The following DSG1 variants were observed in gnomAD, a reference collection of about 807,000 sequenced individuals.
DSG1 encodes desmoglein-1.
Under a neutral mutation model 97.5 loss-of-function variants are expected in DSG1, and 39 were observed. The observed-to-expected ratio is 0.40, with a 90% confidence interval of 0.31 to 0.52. The LOEUF (loss-of-function observed/expected upper bound fraction) is 0.52, where lower values mean the gene tolerates loss of function less well. DSG1 is among the 20% of genes least tolerant of loss of function. DSG1 has a pLI of 0.53. For missense variants in DSG1, 1,311 were observed against 1,295.4 expected, an observed-to-expected ratio of 1.01 and a Z score of -0.18; for synonymous variants, 475 against 443.4, an observed-to-expected ratio of 1.07 and a Z score of -0.90.
chr18:31,336,843 AAT>A (rs997609763), intron 9 of DSG1, among the ~76,000 whole-genome samples: 11 of 152,228 alleles, frequency 7.2e-5, no homozygotes, highest in African/African-American at 2.7e-4. Flanking sequence ...ATGTGAAAAT[AAT>A]ATGTCTCAAA....
chr18:31,347,283 CAT>C (rs1386471818), intron 14 of DSG1, among the ~76,000 whole-genome samples: 9 of 152,170 alleles, frequency 5.9e-5, no homozygotes, highest in Admixed American at 5.2e-4. Flanking sequence ...ATTTTAATAA[CAT>C]AGAAATATCT....
In DSG1 at chr18:31,346,007, T is replaced by C; in HGVS notation, c.1909T>C (p.Tyr637His). The change falls in exon 14 of 15, where the codon TAT becomes CAT. Residue 637 changes from tyrosine to histidine, a missense_variant. Coordinates refer to ENST00000257192, the MANE Select transcript of DSG1 (RefSeq NM_001942.4). ...ACTTTTAGGAGTTTATACAAATGAG[T>C]ATGGTGGCAGAGAAATGCAAGATCT... The part of the protein sequence containing the change: ...IDNSGVYTNE[Y>H]GGREMQDLGG... 1 of 1,613,542 alleles carries C rather than the reference T, an allele frequency of 6.2e-7. No homozygotes were observed. The highest frequency in any genetic ancestry group is 8.5e-7 in the Non-Finnish European group (1 of 1,179,680).
rs370943767 is a variant in DSG1 at position 31,340,074 on chromosome 18, G to T, written c.1687+49G>T. ...TATATGTGTCCCCCAAAAAATGCTG[G>T]GGGAGGAGTTAAGTTTTCTGATTCT... On this transcript the variant is annotated intron_variant, in intron 11 of 14. Coordinates refer to ENST00000257192, the MANE Select transcript of DSG1 (RefSeq NM_001942.4). 1.1e-4 allele frequency: 172 copies of T among 1,566,608 alleles called. No individual in the cohort carries two copies. In the African/African-American group the frequency reaches 1.9e-3, roughly 17 times the overall value.
Position 31,329,886 on chromosome 18 carries a change from T to G in DSG1, c.373-6T>G, listed in dbSNP as rs779335162. 1.2e-6 allele frequency: 2 copies of G among 1,612,762 alleles called. No individual in the cohort carries two copies. The highest frequency in any genetic ancestry group is 3.3e-5 in the Admixed American group (2 of 59,964). On this transcript the variant is annotated splice_region_variant and splice_polypyrimidine_tract_variant and intron_variant, in intron 4 of 14. Transcript: ENST00000257192. ...ACTGTATAATTATTTATCTTTTCTC[T>G]CCCAGATCTACTGCCGAGCTCTGAA...
Position 31,331,218 on chromosome 18 carries a change from A to T in DSG1, c.518-483A>T, listed in dbSNP as rs142902369. Among the ~76,000 whole-genome samples, 993 of 152,240 alleles carry T rather than the reference A, an allele frequency of 6.5e-3. 6 individuals carry two copies. Among genetic ancestry groups the T allele is most frequent in the Non-Finnish European group, 9.4e-3 (642 of 67,968 alleles). On this transcript the variant is annotated intron_variant, in intron 5 of 14. Coordinates refer to ENST00000257192, the MANE Select transcript of DSG1 (RefSeq NM_001942.4). Reference sequence around the variant, plus strand: ...TATATTTATCAAACGTGCATTATTCATTAGGAACTTTATATAGTTTTCTCT... The same window carrying T: ...TATATTTATCAAACGTGCATTATTCTTTAGGAACTTTATATAGTTTTCTCT...
At position 31,355,373 on chromosome 18, in the gene DSG1, G is replaced by C; in HGVS notation, c.*27G>C. The C allele has an allele frequency of 6.2e-7, 1 of 1,608,204 alleles. No homozygotes were observed. The highest frequency in any genetic ancestry group is 8.5e-7 in the Non-Finnish European group (1 of 1,175,606). On this transcript the variant is annotated 3_prime_UTR_variant, in exon 15 of 15. Transcript: ENST00000257192. ...CAGGACCCCAGCTCACTTTTTCATA[G>C]TCATTGTGGTTTAGATCCAATTCCC...
Position 31,354,878 on chromosome 18 carries a change from G to A in DSG1, c.2682G>A (p.Val894=), listed in dbSNP as rs200393593. The A allele has an allele frequency of 1.2e-6, 2 of 1,614,080 alleles. No homozygotes were observed. Among genetic ancestry groups the A allele is most frequent in the Non-Finnish European group, 1.7e-6 (2 of 1,180,042 alleles). The change falls in exon 15 of 15, where the codon GTG becomes GTA. Residue 894 remains valine (V), a synonymous_variant. Transcript: ENST00000257192. ...TGCGAGATGGGTCGAATGTTATAGT[G>A]ACAGAAAGGGTAATAGCACCAAGCT... ...PDLRDGSNVI[V]TERVIAPSSS... is the part of the protein sequence containing the mutation.
chr18:31,343,936 C>A lies in DSG1; in HGVS notation c.1832C>A (p.Thr611Asn). 6.2e-7 allele frequency: 1 copy of A among 1,612,360 alleles called. No individual in the cohort carries two copies. Among genetic ancestry groups the A allele is most frequent in the Non-Finnish European group, 8.5e-7 (1 of 1,178,584 alleles). Residue 611 changes from threonine to asparagine, a missense_variant, in exon 13 of 15, where the codon ACT becomes AAT. Coordinates refer to ENST00000257192, the MANE Select transcript of DSG1 (RefSeq NM_001942.4). ...TTTCCTGTCTTTTAGGATATAACCA[C>A]TGTCATACCACAAATACCACCTGAT... ...GPQPEPRDITTVIPQIPPDNA... is the reference protein window; with the variant it reads ...GPQPEPRDITNVIPQIPPDNA...
chr18:31,339,723 C>G, intron 10 of DSG1, 21 bp from the exon 11 acceptor site: 1 of 1,573,646 alleles, frequency 6.4e-7, no homozygotes, highest in Non-Finnish European at 8.7e-7. Flanking sequence ...AATATTTCTT[C>G]CATTTTGAAC....
At position 31,336,417 on chromosome 18, in the gene DSG1, T is replaced by A. The variant is rs1224163210; in HGVS notation, c.1069T>A (p.Phe357Ile). ...LSIGVRNKAE[F>I]HHSIMSQYKL... ...TATTGGTGTCAGAAATAAAGCTGAATTTCATCATTCAATTATGTCTCAATA... is the reference window on the plus strand; with the variant it reads ...TATTGGTGTCAGAAATAAAGCTGAAATTCATCATTCAATTATGTCTCAATA... The change falls in exon 9 of 15, where the codon TTT becomes ATT. Residue 357 changes from phenylalanine to isoleucine, a missense_variant. By Grantham distance (21) the Phe-to-Ile change is conservative. Transcript: ENST00000257192. 1 of 1,613,946 alleles carries A rather than the reference T, an allele frequency of 6.2e-7. No individual in the cohort carries two copies. Among genetic ancestry groups the A allele is most frequent in the Admixed American group, 1.7e-5 (1 of 60,030 alleles).
intron 5 of DSG1, 40 bp downstream of exon 5, chr18:31,330,076 A>G (rs1315815832): frequency 5.6e-6 from 9 of 1,610,068 alleles, no homozygotes; most frequent in Admixed American, 3.3e-5. Flanking sequence ...CCTAACAGCC[A>G]GGCACCTAAC....
chr18:31,344,503 T>A (rs184872705), intron 13 of DSG1, among the ~76,000 whole-genome samples: 125 of 152,322 alleles, frequency 8.2e-4, no homozygotes, highest in African/African-American at 2.5e-3. Flanking sequence ...ACTGCATCCA[T>A]TTTCAGTATC....
rs1395442983 is a variant in DSG1 at position 31,338,175 on chromosome 18, G to A, written c.1266-140G>A. 9.9e-6 allele frequency: 9 copies of A among 908,422 alleles called. No individual in the cohort carries two copies. In the African/African-American group the frequency reaches 1.0e-4, roughly 10 times the overall value. 56.3% of individuals were successfully genotyped at this position (908,422 alleles called of 1,614,324 possible). On this transcript the variant is annotated intron_variant, in intron 9 of 14. Coordinates refer to ENST00000257192, the MANE Select transcript of DSG1 (RefSeq NM_001942.4). ...GGCTCCATATTGCTAAGACTGCCCT[G>A]AAAAAAAATAAAGTCTCTAGTAATT...
chr18:31,330,144 A>T (rs1011109873), intron 5 of DSG1, 108 bp downstream of exon 5: 1 of 1,375,140 alleles, frequency 7.3e-7, no homozygotes, highest in African/African-American at 1.4e-5. Context: ...ACTATAGAAA[A>T]GATGCAGAAT....
rs968170228 is a variant in DSG1 at position 31,357,403 on chromosome 18, C to T, written c.*2057C>T. On this transcript the variant is annotated 3_prime_UTR_variant, in exon 15 of 15. Coordinates refer to ENST00000257192, the MANE Select transcript of DSG1 (RefSeq NM_001942.4). ...TTTATTAAGACATACTTGAGTATGC[C>T]TGGGTCCAGGAGTTTTAAGGAATAG... 3.3e-5 allele frequency among the ~76,000 whole-genome samples: 5 copies of T among 151,834 alleles called. No individual in the cohort carries two copies. The highest frequency in any genetic ancestry group is 1.2e-4 in the African/African-American group (5 of 41,358).
intron 5 of DSG1, 129 bp downstream of exon 5, chr18:31,330,165 T>C: frequency 8.4e-7 from 1 of 1,185,880 alleles, no homozygotes; most frequent in Non-Finnish European, 1.2e-6. Flanking sequence ...AGCAAGTCTT[T>C]CCTTTCAACT....
Position 31,354,401 on chromosome 18 carries a change from T to C in DSG1, c.2205T>C (p.Cys735=), listed in dbSNP as rs749572154. Residue 735 remains cysteine, a synonymous_variant, in exon 15 of 15, where the codon TGT becomes TGC. Coordinates refer to ENST00000257192, the MANE Select transcript of DSG1 (RefSeq NM_001942.4). Reference sequence around the variant, plus strand: ...GTTCCCCTGCTGGCTCTGTGGGTTGTTGTAGCTTCATTGGAGAAGACCTGG... The same window carrying C: ...GTTCCCCTGCTGGCTCTGTGGGTTGCTGTAGCTTCATTGGAGAAGACCTGG... ...GVGSPAGSVG[C]CSFIGEDLDD... The C allele has an allele frequency of 4.7e-5, 76 of 1,614,098 alleles. No homozygotes were observed. Among genetic ancestry groups the C allele is most frequent in the Non-Finnish European group, 6.4e-5 (75 of 1,180,042 alleles).
chr18:31,333,684 C>T lies in DSG1; in HGVS notation c.780C>T (p.Leu260=), dbSNP rs140546771. ...AATGTGAGTGCAACATTAAAATCCT[C>T]GATGTCAATGATAATATCCCTTACA... is the stretch of plus-strand genomic sequence containing the variant. ...SAECECNIKI[L]DVNDNIPYME... Residue 260 remains leucine (L), a synonymous_variant, in exon 7 of 15, where the codon CTC becomes CTT. Transcript: ENST00000257192. The T allele has an allele frequency of 1.2e-5, 19 of 1,613,554 alleles. No homozygotes were observed. Among genetic ancestry groups the T allele is most frequent in the Non-Finnish European group, 1.4e-5 (16 of 1,179,698 alleles).
At chr18:31,325,964 C>A (rs984556296) in intron 1 of DSG1, among the ~76,000 whole-genome samples, 2 of 151,816 alleles carry the variant, frequency 1.3e-5, no homozygotes, top group South Asian at 2.1e-4. Context: ...AACCTAATAC[C>A]TAGCTATTAT....
Sources: allele counts gnomAD v4.1 joint callset (sites outside exome capture counted in the v4.1 genomes callset), GRCh38; gene constraint gnomAD v4.1.1; transcripts MANE v1.5; gene names NCBI Gene and HGNC (gene_info 2026-07-23, HGNC 2026-07-21).